MLLT3: variants seen among roughly 807,000 people sequenced by gnomAD.
MLLT3 encodes MLLT3 super elongation complex subunit, also known as protein AF-9.
A neutral mutation model predicts 53.2 loss-of-function variants in MLLT3; 4 were observed. The ratio of observed to expected loss-of-function variants is 0.08; its 90% CI spans 0.04 to 0.17. The LOEUF is 0.17. Ranked by LOEUF, MLLT3 falls within the 10% of genes least tolerant of loss-of-function variation. MLLT3 has a pLI of 1.00. For missense variants in MLLT3, 569 were observed against 684.0 expected (o/e 0.83, Z 1.87); for synonymous variants, 283 against 230.6 (o/e 1.23, Z -2.06).
At chr9:20,505,400 C>G (rs10811355) in intron 2 of MLLT3, among the ~76,000 whole-genome samples, 31,825 of 151,948 alleles carry the variant, frequency 0.21, 3,447 homozygotes, top group African/African-American at 0.25. Flanking sequence ...TTTTTTTCCT[C>G]CAACAAAATT....
At chr9:20,465,687 T>C (rs979365654) in intron 2 of MLLT3, among the ~76,000 whole-genome samples, 1 of 152,158 alleles carries the variant, frequency 6.6e-6, no homozygotes, top group Non-Finnish European at 1.5e-5. Flanking sequence ...GGATCCAAAA[T>C]TGTCCTAACT....
chr9:20,493,660 TATA>T (rs1336866470), intron 2 of MLLT3, among the ~76,000 whole-genome samples: 22 of 152,102 alleles, frequency 1.4e-4, no homozygotes, highest in East Asian at 1.9e-4. Flanking sequence ...CTCTTATAAA[TATA>T]ATGAGACATC....
chr9:20,348,479 A>G (rs1820932550), intron 10 of MLLT3, among the ~76,000 whole-genome samples: 1 of 152,216 alleles, frequency 6.6e-6, no homozygotes, highest in Non-Finnish European at 1.5e-5. Flanking sequence ...CATTAAGAAG[A>G]CGAATACAGC....
At chr9:20,349,904 A>G (rs1587139326) in intron 10 of MLLT3, among the ~76,000 whole-genome samples, 3 of 152,358 alleles carry the variant, frequency 2.0e-5, no homozygotes, top group Admixed American at 2.0e-4. Flanking sequence ...AGGTAGATGC[A>G]GAGAAACAGC....
intron 2 of MLLT3, among the ~76,000 whole-genome samples, chr9:20,545,028 G>A (rs906525644): frequency 2.9e-5 from 4 of 140,330 alleles, no homozygotes; most frequent in African/African-American, 2.7e-5. Context: ...ACAGGAGCTC[G>A]AGGTTACAGA....
chr9:20,401,415 C>T (rs139555247), intron 5 of MLLT3, among the ~76,000 whole-genome samples: 140 of 152,238 alleles, frequency 9.2e-4, no homozygotes, highest in African/African-American at 2.9e-3. Flanking sequence ...GCCCACCTGG[C>T]ACTAATGTAT....
chr9:20,391,098 C>G (rs1299798426), intron 5 of MLLT3, among the ~76,000 whole-genome samples: 1 of 152,192 alleles, frequency 6.6e-6, no homozygotes, highest in Non-Finnish European at 1.5e-5. Flanking sequence ...AACAGTTCAC[C>G]TGTTGGCAAT....
chr9:20,508,333 A>T (rs1324483477), intron 2 of MLLT3, among the ~76,000 whole-genome samples: 1 of 152,152 alleles, frequency 6.6e-6, no homozygotes, highest in East Asian at 1.9e-4. Context: ...TTTCACAAAC[A>T]CTCTGCATCA....
chr9:20,586,884 A>G (rs1819979598), intron 2 of MLLT3, among the ~76,000 whole-genome samples: 1 of 152,232 alleles, frequency 6.6e-6, no homozygotes, highest in Non-Finnish European at 1.5e-5. Context: ...TACCATTTTC[A>G]ATCTATCTGC....
chr9:20,606,328 GA>G (rs1440116480), intron 2 of MLLT3, among the ~76,000 whole-genome samples: 15 of 151,722 alleles, frequency 9.9e-5, no homozygotes, highest in African/African-American at 3.4e-4. Flanking sequence ...GGAGGTGGGG[GA>G]GGGGTGAAGG....
intron 2 of MLLT3, among the ~76,000 whole-genome samples, chr9:20,486,432 A>C (rs1274263458): frequency 6.6e-6 from 1 of 152,164 alleles, no homozygotes; most frequent in Admixed American, 6.5e-5. Flanking sequence ...CTTAGACTGA[A>C]ATGGTACACT....
intron 4 of MLLT3, among the ~76,000 whole-genome samples, chr9:20,422,930 A>C (rs542761301): frequency 1.3e-5 from 2 of 152,324 alleles, no homozygotes; most frequent in South Asian, 4.1e-4. Context: ...ATCATTATTA[A>C]CTCAACAATC....
chr9:20,494,944 T>C (rs1825046531), intron 2 of MLLT3, among the ~76,000 whole-genome samples: 1 of 152,140 alleles, frequency 6.6e-6, no homozygotes, highest in African/African-American at 2.4e-5. Context: ...TTTTTTTTCC[T>C]CCTAGGGTAA....
intron 2 of MLLT3, among the ~76,000 whole-genome samples, chr9:20,601,330 T>C (rs1457527149): frequency 1.3e-5 from 2 of 152,160 alleles, no homozygotes; most frequent in African/African-American, 4.8e-5. Flanking sequence ...TGCGTGTTTC[T>C]AAAAAAACAC....
At chr9:20,510,147 T>C (rs1191032360) in intron 2 of MLLT3, among the ~76,000 whole-genome samples, 1 of 152,074 alleles carries the variant, frequency 6.6e-6, no homozygotes, top group African/African-American at 2.4e-5. Flanking sequence ...GAAGAAAATA[T>C]GTGTAACACA....
rs78172425 is a variant in MLLT3, at chr9:20,427,060, T to C, written c.421-12635A>G. ...TGAATTCAGGTCTCAGGATTCCCAA[T>C]GTTCACCTAAATCAAATACGAATTC... is the stretch of plus-strand genomic sequence containing the variant. On this transcript the variant is annotated intron_variant, in intron 4 of 10. Transcript: ENST00000380338. 3.7e-3 allele frequency among the ~76,000 whole-genome samples: 559 copies of C among 152,204 alleles called. 3 individuals carry two copies. The highest frequency in any genetic ancestry group is 0.012 in the African/African-American group (502 of 41,550).
chr9:20,564,363 T>G (rs1819294509), intron 2 of MLLT3, among the ~76,000 whole-genome samples: 1 of 149,474 alleles, frequency 6.7e-6, no homozygotes, highest in Admixed American at 7.1e-5. Flanking sequence ...GCTCTTACAC[T>G]CCCTTTATTT....
At chr9:20,425,834 C>T (rs1280728713) in intron 4 of MLLT3, among the ~76,000 whole-genome samples, 4 of 151,656 alleles carry the variant, frequency 2.6e-5, no homozygotes, top group East Asian at 3.8e-4. Flanking sequence ...TTTCATTTGC[C>T]CAGCCTTTTG....
intron 2 of MLLT3, among the ~76,000 whole-genome samples, chr9:20,607,086 G>C (rs979149507): frequency 1.3e-5 from 2 of 151,864 alleles, no homozygotes; most frequent in African/African-American, 4.8e-5. Flanking sequence ...CCATAGTTTT[G>C]TCTGTCCTAT....
Sources: allele counts gnomAD v4.1 joint callset (sites outside exome capture counted in the v4.1 genomes callset), GRCh38; gene constraint gnomAD v4.1.1; transcripts MANE v1.5; gene names NCBI Gene and HGNC (gene_info 2026-07-23, HGNC 2026-07-21).